Variants in RBPJ observed in about 807,000 individuals in gnomAD.
The protein encoded by RBPJ is recombination signal binding protein for immunoglobulin kappa J region, also known as recombining binding protein suppressor of hairless.
Under a neutral mutation model 67.8 loss-of-function variants are expected in RBPJ, and 9 were observed. The ratio of observed to expected loss-of-function variants is 0.13; its 90% confidence interval spans 0.08 to 0.23. The LOEUF (loss-of-function observed/expected upper bound fraction) is 0.23. Ranked by LOEUF, RBPJ falls within the 10% of genes least tolerant of loss-of-function variation. The pLI is 1.00. For synonymous variants in RBPJ, 198 were observed against 203.3 expected (o/e 0.97, Z 0.22); for missense variants, 305 against 595.6 (o/e 0.51, Z 5.08).
intron 1 of RBPJ, among the ~76,000 whole-genome samples, chr4:26,212,125 C>A (rs1424965910): frequency 1.3e-5 from 2 of 152,222 alleles, no homozygotes; most frequent in South Asian, 4.1e-4. Context: ...GTTACAACAA[C>A]CCTAGCAAAC....
chr4:26,117,331 G>GATATCCC, the RBPJ span, among the ~76,000 whole-genome samples: 7 of 151,936 alleles, frequency 4.6e-5, no homozygotes, highest in Non-Finnish European at 1.0e-4. Flanking sequence ...TCTGGCCCCA[G>GATATCCC]ATATCCCATT....
chr4:26,399,431 G>T (rs1732522186), intron 2 of RBPJ, among the ~76,000 whole-genome samples: 1 of 151,908 alleles, frequency 6.6e-6, no homozygotes, highest in Non-Finnish European at 1.5e-5. Flanking sequence ...GGCATAACTA[G>T]TAAAAGTAGA....
intron 1 of RBPJ, among the ~76,000 whole-genome samples, chr4:26,197,456 C>T (rs1166717252): frequency 5.9e-5 from 9 of 152,124 alleles, no homozygotes; most frequent in Admixed American, 5.9e-4. Context: ...AGAAAGTGGG[C>T]CAAGGAGCCA....
At chr4:26,200,316 A>C (rs989914318) in intron 1 of RBPJ, among the ~76,000 whole-genome samples, 6 of 152,228 alleles carry the variant, frequency 3.9e-5, no homozygotes, top group African/African-American at 1.4e-4. Flanking sequence ...TTATTGAGGT[A>C]TAGAAAGATG....
intron 1 of RBPJ, 33 bp downstream of exon 1, chr4:26,321,081 G>C (rs1239604769): frequency 1.3e-6 from 2 of 1,553,764 alleles, no homozygotes; most frequent in African/African-American, 2.7e-5. Context: ...GCCGGGAACC[G>C]GGAAAGTTGC....
At chr4:26,109,440 C>A in the RBPJ span, among the ~76,000 whole-genome samples, 14 of 31,514 alleles carry the variant, frequency 4.4e-4, no homozygotes, top group African/African-American at 1.8e-3. Context: ...CTCTCTCTCT[C>A]TCTCTCTCTC....
intron 1 of RBPJ, among the ~76,000 whole-genome samples, chr4:26,363,704 G>C (rs1728317020): frequency 6.6e-6 from 1 of 152,194 alleles, no homozygotes; most frequent in African/African-American, 2.4e-5. Context: ...ATCCCAAAGT[G>C]CTGGGATTAC....
intron 1 of RBPJ, among the ~76,000 whole-genome samples, chr4:26,214,491 AGGAGGGAG>A (rs1227751911): frequency 2.1e-5 from 2 of 96,144 alleles, no homozygotes; most frequent in Non-Finnish European, 4.1e-5. Context: ...CAAGGAGGGA[AGGAGGGAG>A]GGAGGGAAGG....
intron 5 of RBPJ, among the ~76,000 whole-genome samples, chr4:26,422,858 C>T (rs1405461180): frequency 6.6e-6 from 1 of 152,072 alleles, no homozygotes; most frequent in Non-Finnish European, 1.5e-5. Context: ...TGATGCATAT[C>T]CAATCAGTGT....
At chr4:26,322,954 T>A (rs531322055) in intron 1 of RBPJ, 17 of 151,842 alleles carry the variant, frequency 1.1e-4, no homozygotes, top group Admixed American at 2.0e-4. Flanking sequence ...TTAGAAGGTA[T>A]GTTACCCATA....
intron 1 of RBPJ, among the ~76,000 whole-genome samples, chr4:26,299,672 C>CTTTT (rs397879662): frequency 1.5e-4 from 13 of 85,288 alleles, no homozygotes; most frequent in South Asian, 4.1e-4. Context: ...AGACTGTGTG[C>CTTTT]TTTTTTTTTT....
At chr4:26,243,849 C>G (rs1719729588) in intron 1 of RBPJ, among the ~76,000 whole-genome samples, 1 of 152,128 alleles carries the variant, frequency 6.6e-6, no homozygotes, top group Non-Finnish European at 1.5e-5. Context: ...AATCTCAGCA[C>G]TTTGGGAGGC....
At chr4:26,130,004 G>T in the RBPJ span, among the ~76,000 whole-genome samples, 2 of 152,090 alleles carry the variant, frequency 1.3e-5, no homozygotes, top group African/African-American at 2.4e-5. Flanking sequence ...TGGGAGTACA[G>T]GCGTGCACCA....
chr4:26,308,293 T>C (rs1722312494), intron 1 of RBPJ, among the ~76,000 whole-genome samples: 1 of 152,024 alleles, frequency 6.6e-6, no homozygotes, highest in Non-Finnish European at 1.5e-5. Flanking sequence ...AAAAAGAGTT[T>C]CTCTAATGCA....
chr4:26,117,305 A>C, the RBPJ span, among the ~76,000 whole-genome samples: 1 of 152,052 alleles, frequency 6.6e-6, no homozygotes, highest in Non-Finnish European at 1.5e-5. Context: ...CAGCCCAAGC[A>C]TCCTGCCCTG....
the RBPJ span, among the ~76,000 whole-genome samples, chr4:26,124,415 C>CATATAT: frequency 4.3e-3 from 267 of 62,394 alleles, 5 homozygotes; most frequent in African/African-American, 4.7e-3. Flanking sequence ...AGTATTCCAT[C>CATATAT]ATATATATAT....
At chr4:26,134,244 A>G in the RBPJ span, among the ~76,000 whole-genome samples, 1 of 152,014 alleles carries the variant, frequency 6.6e-6, no homozygotes, top group Admixed American at 6.5e-5. Flanking sequence ...AGGATACCAA[A>G]CGCCTTTTCA....
At chr4:26,355,314 A>G (rs1197129187) in intron 1 of RBPJ, among the ~76,000 whole-genome samples, 1 of 152,120 alleles carries the variant, frequency 6.6e-6, no homozygotes, top group Non-Finnish European at 1.5e-5. Context: ...GAACTTGTCA[A>G]ACATCATGCA....
chr4:26,279,416 G>A (rs1721185446), intron 1 of RBPJ, among the ~76,000 whole-genome samples: 1 of 152,152 alleles, frequency 6.6e-6, no homozygotes, highest in African/African-American at 2.4e-5. Flanking sequence ...GAGTAGTTGG[G>A]ACTACAAGCG....
Sources: gnomAD v4.1 joint callset for allele counts (sites outside exome capture counted in the v4.1 genomes callset) on GRCh38, gnomAD v4.1.1 for gene constraint, MANE v1.5 for transcripts, NCBI Gene and HGNC (gene_info 2026-07-23, HGNC 2026-07-21) for gene names.